KCNQ2: variants seen among roughly 807,000 people sequenced by gnomAD.
The protein encoded by KCNQ2 is potassium voltage-gated channel subfamily KQT member 2.
Under a neutral mutation model 84.8 loss-of-function variants are expected in KCNQ2, and 14 were observed. That is an observed-to-expected ratio of 0.17 (90% CI 0.11 to 0.26). KCNQ2 has a LOEUF of 0.26. KCNQ2 is among the 10% of genes least tolerant of loss of function. KCNQ2 has a pLI of 1.00. For missense variants in KCNQ2, 788 were observed against 1,254.0 expected, an observed-to-expected ratio of 0.63 and a Z score of 5.61; for synonymous variants, 599 against 554.1, an observed-to-expected ratio of 1.08 and a Z score of -1.14.
chr20:63,416,038 CT>C (rs1256874940), intron 12 of KCNQ2, among the ~76,000 whole-genome samples: 1 of 152,202 alleles, frequency 6.6e-6, no homozygotes, highest in Non-Finnish European at 1.5e-5. Context: ...CAGGCCTCCC[CT>C]GTCAGGCTCC....
At position 63,451,960 on chromosome 20, in the gene KCNQ2, G is replaced by A. The variant is rs1022156119; in HGVS notation, c.297-5123C>T. Among the ~76,000 whole-genome samples the A allele has an allele frequency of 5.3e-5, 8 of 152,246 alleles. No homozygotes were observed. The East Asian group carries it at 7.7e-4, about 15-fold the overall frequency. ...CAAGATCTGCCCCGGGAAGGACCAC[G>A]GCCGTGCTTCAGAAGCACCCGGGAC... On this transcript the variant is annotated intron_variant, in intron 1 of 16. Transcript: ENST00000359125.
chr20:63,433,503 G>A (rs2080892416), intron 8 of KCNQ2: 2 of 581,482 alleles, frequency 3.4e-6, no homozygotes, highest in East Asian at 5.8e-5. Context: ...AGCAGCCCGG[G>A]GCGGGGGGCA....
At chr20:63,439,274 C>T (rs1272555333) in intron 6 of KCNQ2, among the ~76,000 whole-genome samples, 1 of 152,224 alleles carries the variant, frequency 6.6e-6, no homozygotes, top group Non-Finnish European at 1.5e-5. Context: ...GTGTCACCAG[C>T]CGCCCTGCTC....
At chr20:63,422,000 G>A (rs2037712472) in intron 11 of KCNQ2, among the ~76,000 whole-genome samples, 1 of 152,162 alleles carries the variant, frequency 6.6e-6, no homozygotes, top group African/African-American at 2.4e-5. Context: ...CAGGATGGGG[G>A]TGGGGGTCTC....
chr20:63,463,459 T>C (rs965642751), intron 1 of KCNQ2, among the ~76,000 whole-genome samples: 5 of 152,024 alleles, frequency 3.3e-5, no homozygotes, highest in Admixed American at 2.0e-4. Flanking sequence ...TCAGCCTCCA[T>C]GACAAACTTT....
intron 4 of KCNQ2, among the ~76,000 whole-genome samples, chr20:63,443,012 A>C (rs201808861): frequency 1.1e-5 from 1 of 89,184 alleles, no homozygotes; most frequent in Non-Finnish European, 2.3e-5. Context: ...CACCATCACC[A>C]TCACCACCAC....
chr20:63,459,286 CAGG>C (rs1600844026), intron 1 of KCNQ2, among the ~76,000 whole-genome samples: 1 of 152,222 alleles, frequency 6.6e-6, no homozygotes, highest in African/African-American at 2.4e-5. Context: ...GAGGCCGAGG[CAGG>C]AGGACAGCTT....
chr20:63,456,938 G>A (rs551775271), intron 1 of KCNQ2, among the ~76,000 whole-genome samples: 17 of 152,352 alleles, frequency 1.1e-4, no homozygotes, highest in South Asian at 6.2e-4. Context: ...GCGTGAGGCC[G>A]GAGTGGGCAC....
intron 1 of KCNQ2, among the ~76,000 whole-genome samples, chr20:63,457,349 A>C (rs1291586520): frequency 6.6e-6 from 1 of 152,226 alleles, no homozygotes; most frequent in Non-Finnish European, 1.5e-5. Flanking sequence ...ACGGGAGGTG[A>C]CCCAGGTGGG....
intron 1 of KCNQ2, among the ~76,000 whole-genome samples, chr20:63,453,332 C>CG (rs1568957695): frequency 2.0e-5 from 3 of 152,238 alleles, no homozygotes; most frequent in Non-Finnish European, 2.9e-5. Flanking sequence ...GGCAGGGGCG[C>CG]TGGCAGTGGT....
rs907597787 is a variant in KCNQ2 at position 63,401,178 on chromosome 20, A to G, written c.*5466T>C. 1.8e-5 allele frequency: 5 copies of G among 278,424 alleles called. No individual in the cohort carries two copies. The highest frequency in any genetic ancestry group is 3.3e-5 in the Non-Finnish European group (5 of 149,700). 17.2% of individuals were successfully genotyped at this position (278,424 alleles called of 1,614,324 possible). A position where few individuals can be genotyped will look rare whatever the true frequency, so the allele number is the denominator to read the frequency against. ...AGAGCACACTCAACTCCACCCCACA[A>G]ACGCCTTTTAAAACTCTGAAGAGGC... On this transcript the variant is annotated 3_prime_UTR_variant, in exon 17 of 17. Coordinates refer to ENST00000359125, the MANE Select transcript of KCNQ2 (RefSeq NM_172107.4).
At chr20:63,421,158 G>A (rs558862446) in intron 11 of KCNQ2, among the ~76,000 whole-genome samples, 20 of 152,320 alleles carry the variant, frequency 1.3e-4, no homozygotes, top group African/African-American at 4.8e-4. Context: ...AAGGTCTCCT[G>A]TTTTGACCCC....
At chr20:63,454,079 T>C (rs1323801561) in intron 1 of KCNQ2, among the ~76,000 whole-genome samples, 1 of 152,152 alleles carries the variant, frequency 6.6e-6, no homozygotes, top group Non-Finnish European at 1.5e-5. Context: ...GGAGACAGAA[T>C]GCAGCCGGAT....
At chr20:63,442,572 AG>A (rs778261648) in intron 4 of KCNQ2, 41 bp from the exon 5 acceptor site, 18 of 1,607,628 alleles carry the variant, frequency 1.1e-5, no homozygotes, top group South Asian at 7.7e-5. Context: ...CACCATCACC[AG>A]AAGCATCACC....
rs1362092573 is a variant in KCNQ2 at position 63,436,799 on chromosome 20, C to T, written c.1023+1826G>A. 3.7e-5 allele frequency among the ~76,000 whole-genome samples: 4 copies of T among 108,044 alleles called. No individual in the cohort carries two copies. In the South Asian group the frequency reaches 9.4e-4, roughly 25 times the overall value. The allele number at this position is 108,044 out of a possible 152,430, so 70.9% of individuals were successfully genotyped here. ...ACTTTTTTTTTTTTTTTTTTTGAGA[C>T]GGAGTCTCGGGCTGTTTCCCAGGCT... On this transcript the variant is annotated intron_variant, in intron 7 of 16. Transcript: ENST00000359125.
At chr20:63,455,696 G>T (rs371476112) in intron 1 of KCNQ2, among the ~76,000 whole-genome samples, 3 of 151,844 alleles carry the variant, frequency 2.0e-5, no homozygotes, top group African/African-American at 7.3e-5. Context: ...AGTTAAGGCC[G>T]GACCACAGTC....
In KCNQ2 at chr20:63,428,348, C is replaced by G. The variant is rs548674567; in HGVS notation, c.1217+19G>C. 1.5e-5 allele frequency: 23 copies of G among 1,553,332 alleles called. No homozygotes were observed. In the South Asian group the frequency reaches 2.5e-4, roughly 17 times the overall value. ...GGACTGAGACGCCCACCCGCCCCAC[C>G]TGGAGCTCCCCAGCTGACCTGAAAG... On this transcript the variant is annotated intron_variant, in intron 10 of 16. Transcript: ENST00000359125.
intron 2 of KCNQ2, 32 bp from the exon 3 acceptor site, chr20:63,445,396 G>T: frequency 6.2e-7 from 1 of 1,611,252 alleles, no homozygotes. Context: ...GCCACCTTGA[G>T]GCCTGGGGGA....
In KCNQ2 at chr20:63,403,132, C is replaced by T. The variant is rs888303598; in HGVS notation, c.*3512G>A. Reference sequence around the variant, plus strand: ...GGGCACCTTGGCATCTGGTAGAGCCCCTCCTCTGGATGGCTGCCAGGCTGT... The same window carrying T: ...GGGCACCTTGGCATCTGGTAGAGCCTCTCCTCTGGATGGCTGCCAGGCTGT... On this transcript the variant is annotated 3_prime_UTR_variant, in exon 17 of 17. Coordinates refer to ENST00000359125, the MANE Select transcript of KCNQ2 (RefSeq NM_172107.4). 4 of 152,514 alleles carry T rather than the reference C, an allele frequency of 2.6e-5. 1 individual carries two copies. In the South Asian group the frequency reaches 8.3e-4, roughly 32 times the overall value. 9.4% of individuals were successfully genotyped at this position (152,514 alleles called of 1,614,324 possible).
Sources: gnomAD v4.1 joint callset for allele counts (sites outside exome capture counted in the v4.1 genomes callset) on GRCh38, gnomAD v4.1.1 for gene constraint, MANE v1.5 for transcripts, NCBI Gene and HGNC (gene_info 2026-07-23, HGNC 2026-07-21) for gene names.